ATP9B: variants seen among roughly 807,000 people sequenced by gnomAD.
ATP9B encodes probable phospholipid-transporting ATPase IIB.
ATP9B carries 110 observed loss-of-function variants against 146.1 expected under a neutral mutation model. The ratio of observed to expected loss-of-function variants is 0.75; its 90% confidence interval spans 0.65 to 0.88. The LOEUF (loss-of-function observed/expected upper bound fraction) is 0.88, where lower values mean the gene tolerates loss of function less well. Among genes scored for constraint, ATP9B ranks in the 40% least tolerant of loss-of-function variants. The probability of loss-of-function intolerance (pLI) is 0.00; values close to 1 mark genes in which losing one functional copy is unlikely to be tolerated. For missense variants in ATP9B, 1,499 were observed against 1,496.4 expected (o/e 1.00, Z -0.03); for synonymous variants, 604 against 569.7 (o/e 1.06, Z -0.86).
chr18:79,356,128 A>C (rs1487927508), intron 25 of ATP9B, among the ~76,000 whole-genome samples: 1 of 152,180 alleles, frequency 6.6e-6, no homozygotes, highest in Non-Finnish European at 1.5e-5. Flanking sequence ...CACAGACCAC[A>C]AGCAAGCCGG....
chr18:79,372,438 C>T, intron 26 of ATP9B: 1 of 367,628 alleles, frequency 2.7e-6, no homozygotes, highest in Non-Finnish European at 5.4e-6. Context: ...CTGAAAAAAC[C>T]AAACAGTAAA....
chr18:79,253,605 A>G (rs1426125583), intron 12 of ATP9B, 64 bp downstream of exon 12: 1 of 1,473,380 alleles, frequency 6.8e-7, no homozygotes, highest in Non-Finnish European at 9.1e-7. Context: ...TATTGAATTT[A>G]TCTTTCTCAG....
At chr18:79,303,018 A>C (rs979342082) in intron 13 of ATP9B, among the ~76,000 whole-genome samples, 2 of 152,210 alleles carry the variant, frequency 1.3e-5, no homozygotes, top group African/African-American at 4.8e-5. Flanking sequence ...TCCAAATAAC[A>C]GATCTGAGCT....
chr18:79,294,482 G>T (rs1468891177), intron 13 of ATP9B, among the ~76,000 whole-genome samples: 2 of 152,230 alleles, frequency 1.3e-5, no homozygotes, highest in African/African-American at 4.8e-5. Flanking sequence ...AGGAGAAACG[G>T]CCAGTGGCCA....
intron 1 of ATP9B, among the ~76,000 whole-genome samples, chr18:79,089,935 C>G (rs558511305): frequency 6.6e-6 from 1 of 152,198 alleles, no homozygotes; most frequent in South Asian, 2.1e-4. Context: ...CACTACCCTT[C>G]CCAGCCTCTG....
chr18:79,084,785 A>T (rs671928), intron 1 of ATP9B, among the ~76,000 whole-genome samples: 2 of 152,142 alleles, frequency 1.3e-5, no homozygotes, highest in Non-Finnish European at 2.9e-5. Flanking sequence ...TTTTCCTTGA[A>T]GTGGAATTAT....
chr18:79,226,857 T>C (rs1432004547), intron 11 of ATP9B, among the ~76,000 whole-genome samples: 1 of 152,140 alleles, frequency 6.6e-6, no homozygotes, highest in African/African-American at 2.4e-5. Flanking sequence ...GCACATTGAC[T>C]GACACCCGCT....
chr18:79,206,543 C>T (rs2095535136), intron 9 of ATP9B, among the ~76,000 whole-genome samples: 1 of 152,008 alleles, frequency 6.6e-6, no homozygotes, highest in African/African-American at 2.4e-5. Context: ...ACCTGTAAAC[C>T]TAGCTACTTG....
chr18:79,080,055 A>T (rs1476574149), intron 1 of ATP9B, among the ~76,000 whole-genome samples: 1 of 152,194 alleles, frequency 6.6e-6, no homozygotes. Flanking sequence ...CTTGTAGTAT[A>T]GTTTGAAGTC....
At position 79,342,187 on chromosome 18, in the gene ATP9B, G is replaced by T. The variant is rs2096863149; in HGVS notation, c.2284-81G>T. On this transcript the variant is annotated intron_variant, in intron 19 of 29. Coordinates refer to ENST00000426216, the MANE Select transcript of ATP9B (RefSeq NM_198531.5). ...GGCACCTGGGTTGCTTCCACCTTTTGGCTGTTGTGAATTATGTGAGACATC... is the reference window on the plus strand; with the variant it reads ...GGCACCTGGGTTGCTTCCACCTTTTTGCTGTTGTGAATTATGTGAGACATC... The T allele has an allele frequency of 4.5e-6, 5 of 1,107,342 alleles. No individual in the cohort carries two copies. The Admixed American group carries it at 5.3e-5, about 12-fold the overall frequency. The allele number at this position is 1,107,342 out of a possible 1,614,324, so 68.6% of individuals were successfully genotyped here.
intron 6 of ATP9B, among the ~76,000 whole-genome samples, chr18:79,148,446 AT>A (rs2094627369): frequency 6.6e-6 from 1 of 152,224 alleles, no homozygotes; most frequent in Non-Finnish European, 1.5e-5. Context: ...GTGGTTCAGC[AT>A]TCTAAAATCA....
chr18:79,287,338 T>G (rs2096455305), intron 13 of ATP9B, among the ~76,000 whole-genome samples: 2 of 152,244 alleles, frequency 1.3e-5, no homozygotes, highest in Non-Finnish European at 2.9e-5. Context: ...CTTCCTGGTT[T>G]AGTCTTAGGA....
At chr18:79,213,235 A>C (rs554412581) in intron 10 of ATP9B, among the ~76,000 whole-genome samples, 8 of 152,274 alleles carry the variant, frequency 5.3e-5, no homozygotes. Context: ...AAAATTAGGA[A>C]TATAAATTAT....
chr18:79,321,503 C>T (rs896827306), intron 15 of ATP9B, among the ~76,000 whole-genome samples: 8 of 152,144 alleles, frequency 5.3e-5, no homozygotes, highest in Non-Finnish European at 1.2e-4. Context: ...CTGCCTCAGC[C>T]CCCCAAATAG....
chr18:79,364,231 A>C (rs1024501844), intron 26 of ATP9B: 1 of 150,120 alleles, frequency 6.7e-6, no homozygotes, highest in South Asian at 2.1e-4. Context: ...GCGCCACTGC[A>C]CTCCAGCCTG....
At chr18:79,217,200 T>A (rs540612459) in intron 11 of ATP9B, among the ~76,000 whole-genome samples, 7 of 152,340 alleles carry the variant, frequency 4.6e-5, no homozygotes, top group Non-Finnish European at 7.3e-5. Flanking sequence ...TTATTTATTT[T>A]TTGAGACAGA....
chr18:79,225,703 C>T (rs181206650), intron 11 of ATP9B, among the ~76,000 whole-genome samples: 1 of 122,404 alleles, frequency 8.2e-6, no homozygotes, highest in South Asian at 2.5e-4. Flanking sequence ...CCCGCAGTTG[C>T]AGGGCGGCCA....
At chr18:79,345,098 G>A (rs964421460) in intron 21 of ATP9B, among the ~76,000 whole-genome samples, 1 of 152,170 alleles carries the variant, frequency 6.6e-6, no homozygotes, top group Non-Finnish European at 1.5e-5. Context: ...TTTCAAGAAA[G>A]TCACTAAGGC....
intron 3 of ATP9B, 58 bp downstream of exon 3, chr18:79,110,563 G>C (rs2075939598): frequency 1.3e-6 from 2 of 1,519,902 alleles, no homozygotes; most frequent in South Asian, 2.5e-5. Flanking sequence ...GGCTTCCTTT[G>C]CTATAGGATG....
Sources: gnomAD v4.1 joint callset for allele counts (sites outside exome capture counted in the v4.1 genomes callset) on GRCh38, gnomAD v4.1.1 for gene constraint, MANE v1.5 for transcripts, NCBI Gene and HGNC (gene_info 2026-07-23, HGNC 2026-07-21) for gene names.